TBC1D32: variants seen among roughly 807,000 people sequenced by gnomAD.
The protein encoded by TBC1D32 is TBC1 domain family member 32, also known as protein broad-minded.
In TBC1D32, 151 loss-of-function variants were observed where a neutral mutation model predicts 170.3. That is an observed-to-expected ratio of 0.89 (90% CI 0.78 to 1.01). The LOEUF (loss-of-function observed/expected upper bound fraction) is 1.01, where lower values mean the gene tolerates loss of function less well. TBC1D32 is among the 50% of genes least tolerant of loss of function. The pLI, the probability that TBC1D32 is intolerant of heterozygous loss-of-function variation, is 0.00. For synonymous variants in TBC1D32, 498 were observed against 488.0 expected (o/e 1.02, Z -0.27); for missense variants, 1,464 against 1,457.1 (o/e 1.00, Z -0.08).
In TBC1D32 at chr6:121,281,527, T is replaced by C; in HGVS notation, c.1608+17A>G. On this transcript the variant is annotated intron_variant, in intron 14 of 31. Transcript: ENST00000398212. ...CCAGGTAAGAGACTCTTTTTCTCCT[T>C]AGTAAATAATACGAACCTCATTTCC... 1.3e-6 allele frequency: 2 copies of C among 1,596,494 alleles called. No homozygotes were observed. The highest frequency in any genetic ancestry group is 1.7e-6 in the Non-Finnish European group (2 of 1,170,504).
At chr6:121,246,130 A>C (rs1583378743) in intron 17 of TBC1D32, among the ~76,000 whole-genome samples, 2 of 152,284 alleles carry the variant, frequency 1.3e-5, no homozygotes, top group East Asian at 3.9e-4. Context: ...TAAATAAATA[A>C]ATAAAGTGTA....
At chr6:121,114,086 A>G (rs7756842) in intron 27 of TBC1D32, among the ~76,000 whole-genome samples, 4,894 of 152,162 alleles carry the variant, frequency 0.032, 265 homozygotes, top group African/African-American at 0.11. Context: ...AGGCAGGAGA[A>G]TCACCTGAAC....
At chr6:121,328,005 T>C (rs1183263198) in intron 1 of TBC1D32, among the ~76,000 whole-genome samples, 19 of 152,180 alleles carry the variant, frequency 1.2e-4, no homozygotes, top group Admixed American at 1.2e-3. Context: ...CTTAATAACT[T>C]ATTTTAGAAT....
chr6:121,159,634 G>A (rs74911069), intron 24 of TBC1D32, among the ~76,000 whole-genome samples: 2,291 of 152,224 alleles, frequency 0.015, 75 homozygotes, highest in African/African-American at 0.053. Context: ...GCTACACGGT[G>A]TAGCCTATTG....
At chr6:121,098,653 A>G (rs933835709) in intron 30 of TBC1D32, among the ~76,000 whole-genome samples, 1 of 152,054 alleles carries the variant, frequency 6.6e-6, no homozygotes, top group Admixed American at 6.6e-5. Context: ...CATACCTTTA[A>G]AGATCTTCAA....
At chr6:121,208,726 C>A in intron 21 of TBC1D32, among the ~76,000 whole-genome samples, 1 of 8,282 alleles carries the variant, frequency 1.2e-4, no homozygotes. Context: ...CACGAAACAC[C>A]TGGAAAAAAA....
chr6:121,101,993 T>G (rs1401990004), intron 30 of TBC1D32, among the ~76,000 whole-genome samples: 3 of 152,042 alleles, frequency 2.0e-5, no homozygotes, highest in Admixed American at 6.6e-5. Flanking sequence ...TCACAATTGC[T>G]TCAAAGAGAA....
Position 121,106,009 on chromosome 6 carries a change from C to T in TBC1D32, c.3465+14G>A, listed in dbSNP as rs1310301572. On this transcript the variant is annotated intron_variant, in intron 30 of 31. Transcript: ENST00000398212. ...ATAAAGGAGTTGGAGAAATGCTACT[C>T]CCTTATGGATTACCTGTGATGGTGC... 1 of 1,589,600 alleles carries T rather than the reference C, an allele frequency of 6.3e-7. No individual in the cohort carries two copies. Among genetic ancestry groups the T allele is most frequent in the Non-Finnish European group, 8.6e-7 (1 of 1,164,414 alleles).
intron 15 of TBC1D32, among the ~76,000 whole-genome samples, chr6:121,268,682 G>A (rs117669479): frequency 0.067 from 10,152 of 152,150 alleles, 628 homozygotes; most frequent in Admixed American, 0.21. Context: ...GTTGGAAAAC[G>A]TTCTTCAGGA....
At chr6:121,120,156 G>T (rs1489136751) in intron 26 of TBC1D32, among the ~76,000 whole-genome samples, 1 of 151,966 alleles carries the variant, frequency 6.6e-6, no homozygotes, top group Admixed American at 6.6e-5. Context: ...TCAATCAACA[G>T]AAAGTCACTT....
At chr6:121,103,537 G>A (rs1312726958) in intron 30 of TBC1D32, among the ~76,000 whole-genome samples, 2 of 133,990 alleles carry the variant, frequency 1.5e-5, no homozygotes, top group African/African-American at 2.8e-5. Flanking sequence ...TGAACAACGA[G>A]AACACATAGA....
rs758940935 is a variant in TBC1D32 at position 121,256,171 on chromosome 6, C to A, written c.1848G>T (p.Val616=). ...LPVVKGAFIS[V]CRHIYSTCEG... ...CACATGTACTATATATGTGACGACA[C>A]ACAGAAATAAAAGCTCCTTTAACCA... The change falls in exon 16 of 32, where the codon GTG becomes GTT. Residue 616 remains valine (V), a synonymous_variant. Coordinates refer to ENST00000398212, the MANE Select transcript of TBC1D32 (RefSeq NM_152730.6). 1 of 1,613,960 alleles carries A rather than the reference C, an allele frequency of 6.2e-7. No individual in the cohort carries two copies. The highest frequency in any genetic ancestry group is 1.1e-5 in the South Asian group (1 of 91,072).
At chr6:121,320,885 A>C (rs1273981148) in intron 2 of TBC1D32, among the ~76,000 whole-genome samples, 2 of 152,160 alleles carry the variant, frequency 1.3e-5, no homozygotes, top group African/African-American at 2.4e-5. Flanking sequence ...GCAAGTTTTC[A>C]AATGACATCA....
intron 25 of TBC1D32, chr6:121,130,001 T>A: frequency 2.5e-6 from 1 of 402,640 alleles, no homozygotes; most frequent in South Asian, 1.8e-5. Context: ...TAACCAAAGG[T>A]AAATTAGAAA....
chr6:121,126,273 TG>T, intron 26 of TBC1D32, 104 bp downstream of exon 26: 1 of 759,756 alleles, frequency 1.3e-6, no homozygotes, highest in South Asian at 1.9e-5. Context: ...AGTAAGAGAT[TG>T]TTAGGATGAG....
intron 22 of TBC1D32, among the ~76,000 whole-genome samples, chr6:121,202,862 C>A (rs1006472902): frequency 6.6e-6 from 1 of 151,334 alleles, no homozygotes; most frequent in Non-Finnish European, 1.5e-5. Flanking sequence ...GAATGTGATG[C>A]TGTTCACGCC....
chr6:121,129,409 C>T (rs907109591), intron 25 of TBC1D32, among the ~76,000 whole-genome samples: 8 of 152,130 alleles, frequency 5.3e-5, no homozygotes, highest in African/African-American at 1.4e-4. Flanking sequence ...AACGCATTTT[C>T]AACTTATGAT....
At chr6:121,222,688 CTA>C (rs1224672063) in intron 21 of TBC1D32, among the ~76,000 whole-genome samples, 3 of 136,840 alleles carry the variant, frequency 2.2e-5, no homozygotes, top group African/African-American at 8.0e-5. Flanking sequence ...ATACACGTTT[CTA>C]TGTGTTTAAT....
chr6:121,243,482 A>G lies in TBC1D32; in HGVS notation c.2019-1143T>C, dbSNP rs372282238. On this transcript the variant is annotated intron_variant, in intron 17 of 31. Transcript: ENST00000398212. ...AAGAGATTCCTTTCCTAAATAAAAG[A>G]CAAGGCATCATGACTTTGGATCATG... 2.0e-4 allele frequency among the ~76,000 whole-genome samples: 10 copies of G among 51,248 alleles called. No individual in the cohort carries two copies. In the East Asian group the frequency reaches 7.5e-3, roughly 38 times the overall value. The allele number at this position is 51,248 out of a possible 152,430, so 33.6% of individuals were successfully genotyped here.
Sources: gnomAD v4.1 joint callset for allele counts (sites outside exome capture counted in the v4.1 genomes callset) on GRCh38, gnomAD v4.1.1 for gene constraint, MANE v1.5 for transcripts, NCBI Gene and HGNC (gene_info 2026-07-23, HGNC 2026-07-21) for gene names.